The following LRRC4C variants were observed in gnomAD, a reference collection of about 807,000 sequenced individuals.
LRRC4C encodes leucine rich repeat containing 4C, also known as leucine-rich repeat-containing protein 4C.
In LRRC4C, 5 loss-of-function variants were observed where a neutral mutation model predicts 33.6. The ratio of observed to expected loss-of-function variants is 0.15; its 90% confidence interval spans 0.08 to 0.31. The LOEUF (loss-of-function observed/expected upper bound fraction) is 0.31, where lower values mean the gene tolerates loss of function less well. Among genes scored for constraint, LRRC4C ranks in the 10% least tolerant of loss-of-function variants. The probability of loss-of-function intolerance (pLI) is 1.00; values close to 1 mark genes in which losing one functional copy is unlikely to be tolerated. For missense variants in LRRC4C, 560 were observed against 796.7 expected (o/e 0.70, Z 3.58); for synonymous variants, 329 against 302.0 (o/e 1.09, Z -0.93).
At chr11:41,170,615 T>A (rs1439614987) in intron 1 of LRRC4C, among the ~76,000 whole-genome samples, 1 of 152,188 alleles carries the variant, frequency 6.6e-6, no homozygotes, top group Non-Finnish European at 1.5e-5. Context: ...CAAGATGGAT[T>A]AAAGACTTAA....
intron 3 of LRRC4C, among the ~76,000 whole-genome samples, chr11:40,524,651 G>A (rs1955964234): frequency 2.0e-5 from 3 of 152,178 alleles, no homozygotes; most frequent in Admixed American, 6.5e-5. Context: ...ATTGTATTAT[G>A]TTTGGCTCAT....
intron 5 of LRRC4C, among the ~76,000 whole-genome samples, chr11:40,161,713 C>T (rs1447745123): frequency 4.6e-5 from 7 of 151,922 alleles, no homozygotes; most frequent in East Asian, 1.9e-4. Context: ...GCCGAGATCG[C>T]GCCACTGCAC....
intron 1 of LRRC4C, chr11:41,222,820 T>A (rs1947365579): frequency 7.1e-6 from 1 of 139,894 alleles, no homozygotes; most frequent in Non-Finnish European, 1.5e-5. Flanking sequence ...GTCTCTGTAG[T>A]TTTTCCTCTC....
chr11:41,429,093 C>G (rs1955144725), intron 1 of LRRC4C, among the ~76,000 whole-genome samples: 1 of 152,120 alleles, frequency 6.6e-6, no homozygotes, highest in African/African-American at 2.4e-5. Context: ...GGCAGTTACC[C>G]TCATGCTGTT....
At chr11:41,341,266 T>C (rs951009588) in intron 1 of LRRC4C, among the ~76,000 whole-genome samples, 3 of 152,136 alleles carry the variant, frequency 2.0e-5, no homozygotes, top group African/African-American at 7.2e-5. Flanking sequence ...ATTTAAAATA[T>C]ACTGTAAGTG....
chr11:41,248,889 CA>C (rs1403660650), intron 1 of LRRC4C, among the ~76,000 whole-genome samples: 1 of 152,154 alleles, frequency 6.6e-6, no homozygotes, highest in Admixed American at 6.5e-5. Context: ...CCTACCAGAC[CA>C]AAACGTTGCT....
Position 40,867,175 on chromosome 11 carries a change from C to T in LRRC4C, c.-407+66460G>A, listed in dbSNP as rs562369608. On this transcript the variant is annotated intron_variant, in intron 2 of 6. Coordinates refer to ENST00000528697, the MANE Select transcript of LRRC4C (RefSeq NM_001258419.2). ...GCTGTGGATGGGGAAAGCATTGCCT[C>T]GTTCACCAACACAACCCTGTTTTTG... is the stretch of plus-strand genomic sequence containing the variant. Among the ~76,000 whole-genome samples the T allele has an allele frequency of 3.9e-5, 6 of 152,144 alleles. No individual in the cohort carries two copies. The South Asian group carries it at 6.2e-4, about 16-fold the overall frequency.
rs1483738979 is a variant in LRRC4C, at chr11:41,395,163, G to A, written c.-496+64268C>T. Among the ~76,000 whole-genome samples the A allele has an allele frequency of 3.9e-5, 6 of 152,024 alleles. No homozygotes were observed. In the East Asian group the frequency reaches 7.8e-4, roughly 20 times the overall value. ...GAGTCTCAGAGTTAAAACAGTTAAC[G>A]GAATGTCTTCGGATCAGCAGGAAAG... On this transcript the variant is annotated intron_variant, in intron 1 of 6. Transcript: ENST00000528697.
intron 3 of LRRC4C, among the ~76,000 whole-genome samples, chr11:40,416,724 C>T (rs560584376): frequency 3.7e-4 from 56 of 152,218 alleles, no homozygotes; most frequent in African/African-American, 1.3e-3. Context: ...CTTATTCAGA[C>T]AAGAAAATAG....
intron 1 of LRRC4C, among the ~76,000 whole-genome samples, chr11:41,059,314 T>C (rs941349703): frequency 4.0e-5 from 6 of 149,268 alleles, no homozygotes; most frequent in African/African-American, 1.2e-4. Context: ...ACGTTCCTTA[T>C]CTAACACAAA....
intron 1 of LRRC4C, among the ~76,000 whole-genome samples, chr11:41,264,031 A>G (rs960910301): frequency 6.6e-6 from 1 of 152,090 alleles, no homozygotes; most frequent in Non-Finnish European, 1.5e-5. Context: ...CATAAAGTAT[A>G]ATACAAAAAT....
intron 2 of LRRC4C, among the ~76,000 whole-genome samples, chr11:40,819,855 G>T (rs1251440955): frequency 1.3e-5 from 2 of 151,868 alleles, no homozygotes; most frequent in Non-Finnish European, 2.9e-5. Context: ...AAGATACATA[G>T]AAAAACTCTA....
chr11:41,323,174 C>A (rs551827800), intron 1 of LRRC4C, among the ~76,000 whole-genome samples: 19 of 152,172 alleles, frequency 1.2e-4, no homozygotes, highest in African/African-American at 3.9e-4. Flanking sequence ...CATTATATTT[C>A]TTTTAATCTA....
At chr11:40,633,576 A>T (rs2136038946) in intron 3 of LRRC4C, among the ~76,000 whole-genome samples, 1 of 151,716 alleles carries the variant, frequency 6.6e-6, no homozygotes, top group East Asian at 1.9e-4. Context: ...TTTAGTAGAG[A>T]CAGGGTTTCA....
chr11:40,835,339 C>T (rs1952622133), intron 2 of LRRC4C, among the ~76,000 whole-genome samples: 1 of 152,148 alleles, frequency 6.6e-6, no homozygotes, highest in Non-Finnish European at 1.5e-5. Context: ...TAAAATTACT[C>T]TGTCAAATTG....
intron 1 of LRRC4C, among the ~76,000 whole-genome samples, chr11:41,256,531 G>T (rs1948806219): frequency 1.3e-5 from 2 of 151,914 alleles, no homozygotes; most frequent in Non-Finnish European, 1.5e-5. Flanking sequence ...AAGGAAAGTG[G>T]TTACAGCAAA....
chr11:41,014,261 G>T (rs1273048956), intron 1 of LRRC4C, among the ~76,000 whole-genome samples: 3 of 151,962 alleles, frequency 2.0e-5, no homozygotes, highest in Non-Finnish European at 4.4e-5. Flanking sequence ...GAATTTCGGT[G>T]GGTACACATA....
chr11:40,192,684 A>G (rs1215737239), intron 5 of LRRC4C, among the ~76,000 whole-genome samples: 1 of 152,150 alleles, frequency 6.6e-6, no homozygotes, highest in African/African-American at 2.4e-5. Context: ...ATGGAGCCCA[A>G]CAAGCTAAGA....
chr11:40,795,312 A>C (rs963831023), intron 2 of LRRC4C, among the ~76,000 whole-genome samples: 3 of 152,062 alleles, frequency 2.0e-5, no homozygotes, highest in African/African-American at 7.2e-5. Flanking sequence ...GTGGATCACG[A>C]GTTCAGGAGA....
Sources: allele counts gnomAD v4.1 joint callset (sites outside exome capture counted in the v4.1 genomes callset), GRCh38; gene constraint gnomAD v4.1.1; transcripts MANE v1.5; gene names NCBI Gene and HGNC (gene_info 2026-07-23, HGNC 2026-07-21).